Variants in KRT7 observed in about 807,000 individuals in gnomAD.
The protein encoded by KRT7 is keratin, type II cytoskeletal 7.
Under a neutral mutation model 42.8 loss-of-function variants are expected in KRT7, and 50 were observed. The observed-to-expected ratio is 1.17, with a 90% CI of 0.93 to 1.48. KRT7 has a LOEUF of 1.48. Ranked by LOEUF, KRT7 falls within the 40% of genes most tolerant of loss-of-function variation. The pLI, the probability that KRT7 is intolerant of heterozygous loss-of-function variation, is 0.00. For synonymous variants in KRT7, 268 were observed against 266.3 expected (o/e 1.01, Z -0.06); for missense variants, 588 against 637.6 (o/e 0.92, Z 0.84).
rs1398813499 is a variant in KRT7 at position 52,248,808 on chromosome 12, G to T, written c.*48G>T. 3.4e-6 allele frequency: 5 copies of T among 1,475,520 alleles called. No homozygotes were observed. The South Asian group carries it at 5.4e-5, about 16-fold the overall frequency. 91.4% of individuals were successfully genotyped at this position (1,475,520 alleles called of 1,614,324 possible). A position where few individuals can be genotyped will look rare whatever the true frequency, so the allele number is the denominator to read the frequency against. On this transcript the variant is annotated 3_prime_UTR_variant, in exon 9 of 9. Transcript: ENST00000331817. ...CTCCAGCCACCACCCACAATCACAA[G>T]AAGATTCCCACCCCTGCCTCCCATG... is the stretch of plus-strand genomic sequence containing the variant.
chr12:52,253,860 T>C (rs1172700377), downstream of KRT7: 3 of 446,320 alleles, frequency 6.7e-6, no homozygotes, highest in Non-Finnish European at 4.5e-6. Flanking sequence ...TTTCCCTGCT[T>C]CTTCGATGTC....
intron 6 of KRT7, 87 bp downstream of exon 6, chr12:52,243,224 G>A (rs772440115): frequency 1.2e-4 from 170 of 1,466,742 alleles, no homozygotes; most frequent in Non-Finnish European, 1.5e-4. Context: ...GGAGCAGGAG[G>A]TTCCCATCTC....
chr12:52,253,155 C>T (rs1942292407), downstream of KRT7: 11 of 1,525,664 alleles, frequency 7.2e-6, no homozygotes, highest in Non-Finnish European at 1.0e-5. Flanking sequence ...CCAAATCCCT[C>T]TCCTGAGGGC....
intron 6 of KRT7, 115 bp from the exon 7 acceptor site, chr12:52,245,297 G>C (rs1202193909): frequency 2.2e-6 from 2 of 922,200 alleles, no homozygotes; most frequent in Non-Finnish European, 3.4e-6. Context: ...ACTTGGGGGA[G>C]TAGGTGGTGC....
downstream of KRT7, chr12:52,252,335 C>G (rs550918563): frequency 7.7e-5 from 124 of 1,614,056 alleles, 1 homozygote; most frequent in South Asian, 1.3e-3. Context: ...AGTTCATCAC[C>G]TCCTGGTACT....
chr12:52,253,496 C>T (rs1856676433), downstream of KRT7: 15 of 1,559,852 alleles, frequency 9.6e-6, no homozygotes, highest in East Asian at 1.2e-4. Context: ...CCCTTATCTT[C>T]CCATCCGTAG....
In KRT7 at chr12:52,235,372, G is replaced by A; in HGVS notation, c.536+6G>A. The A allele has an allele frequency of 1.9e-6, 3 of 1,598,720 alleles. No homozygotes were observed. Among genetic ancestry groups the A allele is most frequent in the Non-Finnish European group, 2.6e-6 (3 of 1,171,228 alleles). ...GTGGAGGACTTCAAGAATAAGTAAT[G>A]CCCCCTGTGCCACATGCGAAGACCC... On this transcript the variant is annotated splice_donor_region_variant and intron_variant, in intron 2 of 8. Transcript: ENST00000331817.
At chr12:52,234,420 G>A (rs967996846) in intron 1 of KRT7, among the ~76,000 whole-genome samples, 5 of 152,298 alleles carry the variant, frequency 3.3e-5, no homozygotes, top group Non-Finnish European at 4.4e-5. Context: ...TCTGGCCAGG[G>A]CCCCCTTCCT....
At chr12:52,252,006 C>T (rs1347028081), downstream of KRT7, 4 of 672,040 alleles carry the variant, frequency 6.0e-6, no homozygotes, top group Non-Finnish European at 1.1e-5. Context: ...TATTTCAGGA[C>T]CCACAAAATG....
At chr12:52,235,118 G>A in intron 1 of KRT7, 37 bp from the exon 2 acceptor site, 1 of 1,600,266 alleles carries the variant, frequency 6.2e-7, no homozygotes, top group Non-Finnish European at 8.6e-7. Context: ...GGCACGCTCT[G>A]GCTCCTCTTG....
In KRT7 at chr12:52,241,479, C is replaced by A; in HGVS notation, c.701C>A (p.Thr234Lys). Residue 234 changes from threonine (T) to lysine (K), a missense_variant, in exon 5 of 9, where the codon ACA becomes AAA. Thr to Lys is a moderately conservative substitution (Grantham distance 78). Transcript: ENST00000331817. ...CCCGTCTGGTCCCTACAGGAGTTGACAGAGCTGCAGTCCCAGATCTCCGAC... is the reference window on the plus strand; with the variant it reads ...CCCGTCTGGTCCCTACAGGAGTTGAAAGAGCTGCAGTCCCAGATCTCCGAC... ...FLRTLNETEL[T>K]ELQSQISDTS... 1 of 1,610,804 alleles carries A rather than the reference C, an allele frequency of 6.2e-7. No individual in the cohort carries two copies. Among genetic ancestry groups the A allele is most frequent in the Non-Finnish European group, 8.5e-7 (1 of 1,178,196 alleles).
At chr12:52,250,623 C>A, downstream of KRT7, 3 of 921,874 alleles carry the variant, frequency 3.3e-6, no homozygotes, top group South Asian at 4.2e-5. Context: ...TAAGACCCCG[C>A]CGCGAGAGCT....
chr12:52,238,588 G>C lies in KRT7; in HGVS notation c.598-92G>C. 3.8e-6 allele frequency: 3 copies of C among 782,804 alleles called. No homozygotes were observed. The South Asian group carries it at 4.4e-5, about 11-fold the overall frequency. The allele number at this position is 782,804 out of a possible 1,614,324, so 48.5% of individuals were successfully genotyped here. On this transcript the variant is annotated intron_variant, in intron 3 of 8. Transcript: ENST00000331817. ...TAGGGCAGTAGTATTTGGCCTGTGGGTTGGACAGGGCAGGCCTGCTTCCAC... is the reference window on the plus strand; with the variant it reads ...TAGGGCAGTAGTATTTGGCCTGTGGCTTGGACAGGGCAGGCCTGCTTCCAC...
downstream of KRT7, chr12:52,252,619 C>T: frequency 9.2e-7 from 1 of 1,088,810 alleles, no homozygotes; most frequent in Non-Finnish European, 1.3e-6. Context: ...ATTAGTGCTC[C>T]CAGGCATGTT....
chr12:52,250,262 G>C (rs557611653), downstream of KRT7, among the ~76,000 whole-genome samples: 1 of 152,354 alleles, frequency 6.6e-6, no homozygotes, highest in South Asian at 2.1e-4. Context: ...TGGGAGAGCT[G>C]CGGGCTAGGA....
At chr12:52,234,941 C>T (rs1440796985) in intron 1 of KRT7, among the ~76,000 whole-genome samples, 7 of 152,190 alleles carry the variant, frequency 4.6e-5, no homozygotes, top group Non-Finnish European at 1.0e-4. Context: ...GAGTCAACCA[C>T]GGGGCACTTC....
downstream of KRT7, among the ~76,000 whole-genome samples, chr12:52,250,892 G>T (rs1439878294): frequency 1.3e-5 from 2 of 152,210 alleles, no homozygotes; most frequent in African/African-American, 4.8e-5. Flanking sequence ...GTCATTGTGC[G>T]AACATCATGG....
downstream of KRT7, among the ~76,000 whole-genome samples, chr12:52,252,745 T>C (rs991935299): frequency 6.6e-6 from 1 of 152,250 alleles, no homozygotes; most frequent in South Asian, 2.1e-4. Flanking sequence ...CCTGCCTCAG[T>C]TGGATCTGCC....
chr12:52,238,790 G>A lies in KRT7; in HGVS notation c.693+15G>A, dbSNP rs1387693533. ...TCAATGAGACGGTGAGGACCATGGAGCTGGGTGACATGTCTTATCCTACCC... is the reference window on the plus strand; with the variant it reads ...TCAATGAGACGGTGAGGACCATGGAACTGGGTGACATGTCTTATCCTACCC... On this transcript the variant is annotated intron_variant, in intron 4 of 8. Coordinates refer to ENST00000331817, the MANE Select transcript of KRT7 (RefSeq NM_005556.4). 6.7e-7 allele frequency: 1 copy of A among 1,503,176 alleles called. No homozygotes were observed. Among genetic ancestry groups the A allele is most frequent in the Non-Finnish European group, 9.3e-7 (1 of 1,078,638 alleles). The allele number at this position is 1,503,176 out of a possible 1,614,324, so 93.1% of individuals were successfully genotyped here. A position where few individuals can be genotyped will look rare whatever the true frequency, so the allele number is the denominator to read the frequency against.
Sources: allele counts gnomAD v4.1 joint callset (sites outside exome capture counted in the v4.1 genomes callset), GRCh38; gene constraint gnomAD v4.1.1; transcripts MANE v1.5; gene names NCBI Gene and HGNC (gene_info 2026-07-23, HGNC 2026-07-21).